Variants in RGS7 observed in about 807,000 individuals in gnomAD.
The protein encoded by RGS7 is regulator of G-protein signaling 7.
In RGS7, 27 loss-of-function variants were observed where a neutral mutation model predicts 81.1. The observed-to-expected ratio is 0.33, with a 90% CI of 0.25 to 0.46. The LOEUF (loss-of-function observed/expected upper bound fraction) is 0.46. Among genes scored for constraint, RGS7 ranks in the 20% least tolerant of loss-of-function variants. The pLI is 1.00. For missense variants in RGS7, 396 were observed against 607.4 expected, an observed-to-expected ratio of 0.65 and a Z score of 3.66; for synonymous variants, 208 against 207.7, an observed-to-expected ratio of 1.00 and a Z score of -0.01.
intron 2 of RGS7, among the ~76,000 whole-genome samples, chr1:241,114,105 C>T (rs934936632): frequency 1.3e-5 from 2 of 152,092 alleles, no homozygotes; most frequent in Non-Finnish European, 2.9e-5. Flanking sequence ...AATTCTGACC[C>T]ACAGCCCCTG....
chr1:241,025,907 T>C (rs115545844), intron 3 of RGS7, among the ~76,000 whole-genome samples: 2,335 of 152,322 alleles, frequency 0.015, 44 homozygotes, highest in African/African-American at 0.053. Context: ...AATGGAATGA[T>C]ATATTCCCTC....
chr1:241,036,788 G>C (rs1320030356), intron 3 of RGS7, among the ~76,000 whole-genome samples: 2 of 152,082 alleles, frequency 1.3e-5, no homozygotes, highest in Non-Finnish European at 2.9e-5. Context: ...CAGTTAGATG[G>C]GGCCACATGA....
chr1:241,235,787 A>C (rs1437582964), intron 2 of RGS7, among the ~76,000 whole-genome samples: 1 of 143,954 alleles, frequency 6.9e-6, no homozygotes, highest in African/African-American at 2.6e-5. Flanking sequence ...ATTTTTGCTT[A>C]CTGAATCTGC....
intron 2 of RGS7, among the ~76,000 whole-genome samples, chr1:241,267,493 G>C (rs2077654434): frequency 6.6e-6 from 1 of 151,826 alleles, no homozygotes; most frequent in African/African-American, 2.4e-5. Flanking sequence ...CAATTTTTGG[G>C]GCTGGCTACT....
intron 1 of RGS7, 136 bp from the exon 2 acceptor site, chr1:241,355,962 A>AT (rs980410910): frequency 5.8e-5 from 37 of 635,766 alleles, no homozygotes; most frequent in African/African-American, 3.8e-4. Flanking sequence ...CAGGACATGG[A>AT]TTTTTTAAAA....
At chr1:241,017,145 T>TG (rs2059293766) in intron 3 of RGS7, among the ~76,000 whole-genome samples, 1 of 152,208 alleles carries the variant, frequency 6.6e-6, no homozygotes, top group South Asian at 2.1e-4. Context: ...GCAGCATTGC[T>TG]GTCATTCAGT....
intron 2 of RGS7, among the ~76,000 whole-genome samples, chr1:241,114,833 G>A (rs1019666921): frequency 2.0e-5 from 3 of 152,150 alleles, no homozygotes; most frequent in Non-Finnish European, 4.4e-5. Flanking sequence ...TGTGATTATA[G>A]ATTAGCCTTC....
intron 2 of RGS7, among the ~76,000 whole-genome samples, chr1:241,199,332 T>C (rs1378689979): frequency 6.6e-6 from 1 of 151,852 alleles, no homozygotes; most frequent in Non-Finnish European, 1.5e-5. Context: ...GTGGCATGCC[T>C]ATAGTCTCAG....
intron 3 of RGS7, among the ~76,000 whole-genome samples, chr1:241,091,547 C>CAATAAATAAATA (rs371664255): frequency 6.4e-4 from 83 of 129,168 alleles, no homozygotes; most frequent in East Asian, 1.3e-3. Flanking sequence ...GACTCTGTCT[C>CAATAAATAAATA]AATAAATAAA....
At chr1:241,174,881 A>G (rs551393917) in intron 2 of RGS7, among the ~76,000 whole-genome samples, 1 of 146,900 alleles carries the variant, frequency 6.8e-6, no homozygotes, top group South Asian at 2.2e-4. Context: ...CTAGACTCCA[A>G]TTCACAGAAT....
chr1:241,317,852 A>G (rs779773730), intron 2 of RGS7, among the ~76,000 whole-genome samples: 27 of 152,196 alleles, frequency 1.8e-4, no homozygotes, highest in Admixed American at 3.3e-4. Context: ...CAATAATATC[A>G]TCATCTCCTT....
chr1:241,006,168 G>A (rs148847353), intron 3 of RGS7, among the ~76,000 whole-genome samples: 8 of 152,202 alleles, frequency 5.3e-5, no homozygotes, highest in Admixed American at 4.6e-4. Flanking sequence ...TTCTCAATCT[G>A]ATTTTTAAGT....
intron 2 of RGS7, among the ~76,000 whole-genome samples, chr1:241,180,817 T>C (rs2071556492): frequency 6.6e-6 from 1 of 152,238 alleles, no homozygotes; most frequent in Non-Finnish European, 1.5e-5. Context: ...TCTCCAGACA[T>C]ACCTGTCATT....
chr1:240,996,560 A>G (rs1011963696), intron 3 of RGS7, among the ~76,000 whole-genome samples: 3 of 152,054 alleles, frequency 2.0e-5, no homozygotes, highest in Non-Finnish European at 4.4e-5. Context: ...GACCCCCTTT[A>G]TTGCTTCCAC....
At chr1:240,796,643 GC>G (rs1274464091) in intron 18 of RGS7, among the ~76,000 whole-genome samples, 5 of 152,192 alleles carry the variant, frequency 3.3e-5, no homozygotes, top group Admixed American at 1.3e-4. Context: ...CCGAGATCGT[GC>G]CACTGCACTG....
chr1:240,855,200 T>C (rs1031731708), intron 9 of RGS7, among the ~76,000 whole-genome samples: 7 of 151,054 alleles, frequency 4.6e-5, no homozygotes, highest in Non-Finnish European at 1.0e-4. Context: ...GGTAGAATCA[T>C]TGCAAACAAT....
intron 2 of RGS7, among the ~76,000 whole-genome samples, chr1:241,249,046 T>G (rs540681318): frequency 1.1e-4 from 16 of 152,288 alleles, no homozygotes; most frequent in Admixed American, 9.2e-4. Context: ...TTTGAAAAGA[T>G]TTTCTCCCAA....
chr1:241,128,218 A>T (rs1251462663), intron 2 of RGS7, among the ~76,000 whole-genome samples: 1 of 151,380 alleles, frequency 6.6e-6, no homozygotes, highest in African/African-American at 2.4e-5. Flanking sequence ...TGGAGGTTGC[A>T]GTGAGCCGAG....
chr1:241,310,646 GGAGTCAAT>G (rs2080475849), intron 2 of RGS7, among the ~76,000 whole-genome samples: 1 of 151,874 alleles, frequency 6.6e-6, no homozygotes, highest in Non-Finnish European at 1.5e-5. Context: ...AAATTACCAG[GGAGTCAAT>G]GACTGCCCAT....
Sources: allele counts gnomAD v4.1 joint callset (sites outside exome capture counted in the v4.1 genomes callset), GRCh38; gene constraint gnomAD v4.1.1; transcripts MANE v1.5; gene names NCBI Gene and HGNC (gene_info 2026-07-23, HGNC 2026-07-21).